The following UIMC1 variants were observed in gnomAD, a reference collection of about 807,000 sequenced individuals.
The protein encoded by UIMC1 is BRCA1-A complex subunit RAP80.
UIMC1 carries 42 observed loss-of-function variants against 84.9 expected under a neutral mutation model. The ratio of observed to expected loss-of-function variants is 0.49; its 90% confidence interval spans 0.39 to 0.64. The LOEUF (loss-of-function observed/expected upper bound fraction) is 0.64. UIMC1 is among the 30% of genes least tolerant of loss of function. UIMC1 has a pLI of 0.00. For missense variants in UIMC1, 825 were observed against 847.6 expected (o/e 0.97, Z 0.33); for synonymous variants, 281 against 293.0 (o/e 0.96, Z 0.42).
chr5:176,931,951 C>T (rs556486493), intron 10 of UIMC1, among the ~76,000 whole-genome samples: 21 of 152,198 alleles, frequency 1.4e-4, no homozygotes, highest in African/African-American at 4.1e-4. Flanking sequence ...CCAGCCTGGG[C>T]GACAGAGCGA....
rs765184525 is a variant in UIMC1, at chr5:176,958,105, G to A, written c.1250C>T (p.Pro417Leu). The change falls in exon 7 of 15, where the codon CCT (proline) becomes CTT (leucine). Residue 417 changes from proline to leucine, a missense_variant. Coordinates refer to ENST00000511320, the MANE Select transcript of UIMC1 (RefSeq NM_001199298.2). ...TATAATCTCTCACCTTTGTGAAGCAGGTACAGAGTTTCCCTCTTCAGAAGT... is the reference window on the plus strand; with the variant it reads ...TATAATCTCTCACCTTTGTGAAGCAAGTACAGAGTTTCCCTCTTCAGAAGT... ...EETSEEGNSVPASQSVAALTS... is the reference protein window; with the variant it reads ...EETSEEGNSVLASQSVAALTS... The A allele has an allele frequency of 1.9e-6, 3 of 1,613,556 alleles. No homozygotes were observed. Among genetic ancestry groups the A allele is most frequent in the Middle Eastern group, 1.6e-4 (1 of 6,080 alleles).
At chr5:176,911,101 A>AT (rs1491471553) in intron 11 of UIMC1, among the ~76,000 whole-genome samples, 1 of 143,544 alleles carries the variant, frequency 7.0e-6, no homozygotes, top group Non-Finnish European at 1.5e-5. Flanking sequence ...AAAAAAAAAA[A>AT]GAGAGAGAGA....
Position 176,979,467 on chromosome 5 carries a change from C to T in UIMC1, c.147+3002G>A, listed in dbSNP as rs530822164. Among the ~76,000 whole-genome samples the T allele has an allele frequency of 2.6e-5, 4 of 152,024 alleles. No individual in the cohort carries two copies. In the East Asian group the frequency reaches 5.8e-4, roughly 22 times the overall value. On this transcript the variant is annotated intron_variant, in intron 2 of 14. Coordinates refer to ENST00000511320, the MANE Select transcript of UIMC1 (RefSeq NM_001199298.2). ...ACTAAAAATACAAAAATTAGCCAGG[C>T]GTGGTGGCGCCTGTAATCCCAGCTA...
intron 10 of UIMC1, among the ~76,000 whole-genome samples, chr5:176,935,994 T>C (rs1291362656): frequency 6.6e-6 from 1 of 152,184 alleles, no homozygotes; most frequent in Non-Finnish European, 1.5e-5. Flanking sequence ...TGCCTTCAGC[T>C]TCCCTAACTC....
At chr5:177,010,456 CAT>C (rs555327603), upstream of UIMC1, among the ~76,000 whole-genome samples, 87 of 152,226 alleles carry the variant, frequency 5.7e-4, no homozygotes, top group South Asian at 1.9e-3. Flanking sequence ...AATAATACCA[CAT>C]GTTTTTGAAG....
chr5:176,959,838 C>T (rs1182708251), intron 6 of UIMC1, among the ~76,000 whole-genome samples: 1 of 151,992 alleles, frequency 6.6e-6, no homozygotes, highest in Non-Finnish European at 1.5e-5. Flanking sequence ...TCAAGACCAG[C>T]CTGACCAACA....
chr5:176,979,786 T>C (rs1770734483), intron 2 of UIMC1, among the ~76,000 whole-genome samples: 1 of 152,018 alleles, frequency 6.6e-6, no homozygotes, highest in African/African-American at 2.4e-5. Context: ...TATAGAAAGG[T>C]CTCCCGGAAA....
chr5:176,960,767 G>A (rs1464434726), intron 6 of UIMC1, among the ~76,000 whole-genome samples: 1 of 60,352 alleles, frequency 1.7e-5, no homozygotes, highest in South Asian at 6.5e-4. Context: ...TCAGCCTGCC[G>A]AGTGCCTGCG....
chr5:176,991,174 A>AT (rs1581672939), intron 1 of UIMC1, among the ~76,000 whole-genome samples: 1 of 150,498 alleles, frequency 6.6e-6, no homozygotes, highest in Admixed American at 6.6e-5. Context: ...CGCCCGGCTA[A>AT]TTTTTTTTGC....
At chr5:177,013,297 G>T (rs373524953) in intron 1 of UIMC1, among the ~76,000 whole-genome samples, 1 of 151,402 alleles carries the variant, frequency 6.6e-6, no homozygotes, top group South Asian at 2.1e-4. Flanking sequence ...GGAGGCGGAG[G>T]TTGCAGTGAG....
At chr5:177,000,451 CAAT>C (rs1344824134) in intron 1 of UIMC1, among the ~76,000 whole-genome samples, 1 of 149,850 alleles carries the variant, frequency 6.7e-6, no homozygotes, top group Non-Finnish European at 1.5e-5. Flanking sequence ...CTCTGATGAC[CAAT>C]AATGTTGAAC....
intron 3 of UIMC1, among the ~76,000 whole-genome samples, chr5:176,971,174 T>C (rs942010321): frequency 6.6e-6 from 1 of 152,254 alleles, no homozygotes; most frequent in Non-Finnish European, 1.5e-5. Flanking sequence ...ACGTAATAAA[T>C]ATCTGCTAAA....
chr5:176,981,152 T>TG (rs1419329726), intron 2 of UIMC1, among the ~76,000 whole-genome samples: 48 of 150,428 alleles, frequency 3.2e-4, no homozygotes, highest in Non-Finnish European at 6.5e-4. Flanking sequence ...TGGTTTTTTT[T>TG]TTTTTTTTTT....
At chr5:176,913,826 AAGTT>A (rs1336665446) in intron 10 of UIMC1, among the ~76,000 whole-genome samples, 4 of 152,252 alleles carry the variant, frequency 2.6e-5, no homozygotes, top group Middle Eastern at 3.4e-3. Flanking sequence ...AAAAATATAA[AAGTT>A]AGCCAGCATG....
chr5:176,961,648 AGCCCCCCGCCCG>A (rs1767458570), intron 6 of UIMC1, among the ~76,000 whole-genome samples: 1 of 23,562 alleles, frequency 4.2e-5, no homozygotes, highest in African/African-American at 2.4e-4. Context: ...TGGGGGGGTC[AGCCCCCCGCCCG>A]GCCAGCCGCC....
upstream of UIMC1, among the ~76,000 whole-genome samples, chr5:177,008,203 T>C (rs1775456003): frequency 6.6e-6 from 1 of 152,074 alleles, no homozygotes; most frequent in Non-Finnish European, 1.5e-5. Flanking sequence ...TTATTCTTAA[T>C]ACTTTTCTGT....
chr5:176,914,064 TACCATACCAC>T (rs1561720714), intron 10 of UIMC1, among the ~76,000 whole-genome samples: 10 of 122,626 alleles, frequency 8.2e-5, no homozygotes, highest in South Asian at 5.0e-4. Context: ...TACCATACCA[TACCATACCAC>T]ACCACACCAC....
At chr5:176,921,805 C>G (rs1046737604) in intron 10 of UIMC1, among the ~76,000 whole-genome samples, 5 of 152,210 alleles carry the variant, frequency 3.3e-5, no homozygotes, top group Non-Finnish European at 7.3e-5. Context: ...AGATTATTTT[C>G]CACATTGTAG....
rs144274921 is a variant in UIMC1 at position 177,004,110 on chromosome 5, C to T, written c.-9+2540G>A. On this transcript the variant is annotated intron_variant, in intron 1 of 14. Coordinates refer to ENST00000511320, the MANE Select transcript of UIMC1 (RefSeq NM_001199298.2). ...TCCCAAAGTGCTGGGATTACATGTACCATATACTTAAACCAATATGCTCAA... is the reference window on the plus strand; with the variant it reads ...TCCCAAAGTGCTGGGATTACATGTATCATATACTTAAACCAATATGCTCAA... Among the ~76,000 whole-genome samples, 7 of 152,238 alleles carry T rather than the reference C, an allele frequency of 4.6e-5. 2 individuals carry two copies. The highest frequency in any genetic ancestry group is 1.7e-4 in the African/African-American group (7 of 41,530).
Sources: gnomAD v4.1 joint callset for allele counts (sites outside exome capture counted in the v4.1 genomes callset) on GRCh38, gnomAD v4.1.1 for gene constraint, MANE v1.5 for transcripts, NCBI Gene and HGNC (gene_info 2026-07-23, HGNC 2026-07-21) for gene names.